Variants in SCN3A observed in about 807,000 individuals in gnomAD.
The protein encoded by SCN3A is sodium voltage-gated channel alpha subunit 3.
In SCN3A, 60 loss-of-function variants were observed where a neutral mutation model predicts 187.6. The observed-to-expected ratio is 0.32, with a 90% CI of 0.26 to 0.40. SCN3A has a LOEUF of 0.40. Ranked by LOEUF, SCN3A falls within the 10% of genes least tolerant of loss-of-function variation. The pLI is 1.00. For synonymous variants in SCN3A, 788 were observed against 829.2 expected (o/e 0.95, Z 0.85); for missense variants, 1,601 against 2,428.2 (o/e 0.66, Z 7.16).
chr2:165,192,666 G>A (rs572402394), intron 1 of SCN3A, among the ~76,000 whole-genome samples: 20 of 152,094 alleles, frequency 1.3e-4, no homozygotes, highest in East Asian at 1.9e-4. Context: ...GACATCTGGC[G>A]TTCAAAAATG....
At chr2:165,148,848 A>C (rs1489287762) in intron 11 of SCN3A, among the ~76,000 whole-genome samples, 4 of 152,152 alleles carry the variant, frequency 2.6e-5, no homozygotes, top group Admixed American at 1.3e-4. Context: ...GTAAAATGAG[A>C]AATATTAAGT....
chr2:165,153,987 A>ATTTTTTTTTTTTTTTTT lies in SCN3A; in HGVS notation c.1380+448_1380+464dup, dbSNP rs71393659. On this transcript the variant is annotated intron_variant, in intron 11 of 27. Coordinates refer to ENST00000283254, the MANE Select transcript of SCN3A (RefSeq NM_006922.4). Reference sequence around the variant, plus strand: ...TATCCTGATGTGGGCTATAGCAAACATTTTTTTTTTTTTTTTTTTTTGCTA... The same window carrying ATTTTTTTTTTTTTTTTT: ...TATCCTGATGTGGGCTATAGCAAACATTTTTTTTTTTTTTTTTTTTTTTTTTTTTTTTTTTTTTGCTA... Among the ~76,000 whole-genome samples, 23 of 92,764 alleles carry ATTTTTTTTTTTTTTTTT rather than the reference A, an allele frequency of 2.5e-4. 2 individuals carry two copies. The highest frequency in any genetic ancestry group is 9.4e-4 in the African/African-American group (20 of 21,276). 60.9% of individuals were successfully genotyped at this position (92,764 alleles called of 152,430 possible). A position where few individuals can be genotyped will look rare whatever the true frequency, so the allele number is the denominator to read the frequency against.
Position 165,140,164 on chromosome 2 carries a change from A to T in SCN3A, c.2019+487T>A, listed in dbSNP as rs1687918036. 6.6e-6 allele frequency among the ~76,000 whole-genome samples: 1 copy of T among 152,226 alleles called. No homozygotes were observed. Among genetic ancestry groups the T allele is most frequent in the Non-Finnish European group, 1.5e-5 (1 of 68,042 alleles). On this transcript the variant is annotated intron_variant, in intron 13 of 27. Coordinates refer to ENST00000283254, the MANE Select transcript of SCN3A (RefSeq NM_006922.4). This position sits in a 1 kb window ranked among gnomAD's most constrained non-coding sequence, Gnocchi z 4.2. The stretch of plus-strand genomic sequence containing the variant: ...TCTATATCTTATCCTATTAAAAAAC[A>T]ACACATTTTAGAGTCATTTTAAAAT...
chr2:165,140,366 T>C lies in SCN3A; in HGVS notation c.2019+285A>G, dbSNP rs1687930758. Reference sequence around the variant, plus strand: ...TGTCCATTATTTGTCTCGGTAGGTCTACCAAATTTGCAGATATGTATTTCA... The same window carrying C: ...TGTCCATTATTTGTCTCGGTAGGTCCACCAAATTTGCAGATATGTATTTCA... On this transcript the variant is annotated intron_variant, in intron 13 of 27. Transcript: ENST00000283254. The surrounding 1 kb of genome is among the most constrained non-coding windows in gnomAD (Gnocchi z 4.2). 6.6e-6 allele frequency among the ~76,000 whole-genome samples: 1 copy of C among 152,128 alleles called. No homozygotes were observed. The highest frequency in any genetic ancestry group is 2.1e-4 in the South Asian group (1 of 4,808).
At chr2:165,151,960 T>C (rs558001057) in intron 11 of SCN3A, among the ~76,000 whole-genome samples, 11 of 152,170 alleles carry the variant, frequency 7.2e-5, no homozygotes, top group Non-Finnish European at 1.6e-4. Context: ...TAGTGAGGAA[T>C]AATTAGTCTT....
At chr2:165,110,951 A>C (rs962602541) in intron 21 of SCN3A, among the ~76,000 whole-genome samples, 1 of 152,214 alleles carries the variant, frequency 6.6e-6, no homozygotes, top group Non-Finnish European at 1.5e-5. Flanking sequence ...CATGTTTTCT[A>C]TATAAGGGGA....
intron 1 of SCN3A, among the ~76,000 whole-genome samples, chr2:165,201,369 C>T (rs1466230613): frequency 1.3e-5 from 2 of 151,966 alleles, no homozygotes; most frequent in Non-Finnish European, 2.9e-5. Flanking sequence ...TTTATTCTAT[C>T]CTTCCTGTTG....
chr2:165,112,870 A>G lies in SCN3A; in HGVS notation c.3843+15T>C. 6.2e-7 allele frequency: 1 copy of G among 1,607,884 alleles called. No individual in the cohort carries two copies. The highest frequency in any genetic ancestry group is 8.5e-7 in the Non-Finnish European group (1 of 1,176,404). On this transcript the variant is annotated intron_variant, in intron 21 of 27. Transcript: ENST00000283254. Reference sequence around the variant, plus strand: ...TTTTAAAAACAATTTTATAAAAATCACTTAAAATACTTACATCAACGATCA... The same window carrying G: ...TTTTAAAAACAATTTTATAAAAATCGCTTAAAATACTTACATCAACGATCA...
At chr2:165,155,340 C>CTTCCCTTCCA (rs1395503536) in intron 10 of SCN3A, among the ~76,000 whole-genome samples, 3 of 152,010 alleles carry the variant, frequency 2.0e-5, no homozygotes, top group Non-Finnish European at 4.4e-5. Context: ...TTTCCCTTCC[C>CTTCCCTTCCA]TTCCCTTCCA....
chr2:165,139,805 G>C, intron 13 of SCN3A, 197 bp from the exon 14 acceptor site: 1 of 604,186 alleles, frequency 1.7e-6, no homozygotes, highest in African/African-American at 1.9e-5. Context: ...CTCTTTAAGA[G>C]GAATTCACCA....
At position 165,140,379 on chromosome 2, in the gene SCN3A, G is replaced by A. The variant is rs945773607; in HGVS notation, c.2019+272C>T. 6.6e-6 allele frequency among the ~76,000 whole-genome samples: 1 copy of A among 151,838 alleles called. No homozygotes were observed. Among genetic ancestry groups the A allele is most frequent in the African/African-American group, 2.4e-5 (1 of 41,332 alleles). On this transcript the variant is annotated intron_variant, in intron 13 of 27. Transcript: ENST00000283254. The surrounding 1 kb of genome is among the most constrained non-coding windows in gnomAD (Gnocchi z 4.2). Reference sequence around the variant, plus strand: ...TCTCGGTAGGTCTACCAAATTTGCAGATATGTATTTCATAGCAGACTCTAA... The same window carrying A: ...TCTCGGTAGGTCTACCAAATTTGCAAATATGTATTTCATAGCAGACTCTAA...
intron 10 of SCN3A, 40 bp from the exon 11 acceptor site, chr2:165,154,698 T>C (rs1367181477): frequency 1.3e-6 from 2 of 1,542,158 alleles, no homozygotes; most frequent in African/African-American, 1.4e-5. Flanking sequence ...TATTTTAGTA[T>C]AATGTCCCCA....
In SCN3A at chr2:165,162,653, G is replaced by GTA; in HGVS notation, c.869_870insTA (p.Thr292ProfsTer18). On this transcript the variant is annotated frameshift_variant, in exon 8 of 28. Coordinates refer to ENST00000283254, the MANE Select transcript of SCN3A (RefSeq NM_006922.4). LOFTEE classifies it high-confidence loss of function. ...TTGTGCCATTAAAGTAGGAAGTGGT[G>GTA]TTGGTTTCAAAAGCAGAATCGCTTG... 1 of 1,614,184 alleles carries GTA rather than the reference G, an allele frequency of 6.2e-7. No homozygotes were observed. Among genetic ancestry groups the GTA allele is most frequent in the Non-Finnish European group, 8.5e-7 (1 of 1,180,030 alleles).
At chr2:165,141,339 G>T (rs1218864001) in intron 12 of SCN3A, among the ~76,000 whole-genome samples, 1 of 152,098 alleles carries the variant, frequency 6.6e-6, no homozygotes, top group African/African-American at 2.4e-5. Context: ...TGATGGGAAT[G>T]GTGGTTAAAC....
At chr2:165,115,815 A>G (rs1405694656) in intron 18 of SCN3A, among the ~76,000 whole-genome samples, 1 of 152,194 alleles carries the variant, frequency 6.6e-6, no homozygotes, top group Non-Finnish European at 1.5e-5. Context: ...GTGGTCTGGA[A>G]TGGATGGATT....
At chr2:165,117,632 C>G (rs1454454478) in intron 18 of SCN3A, among the ~76,000 whole-genome samples, 1 of 151,904 alleles carries the variant, frequency 6.6e-6, no homozygotes, top group Non-Finnish European at 1.5e-5. Flanking sequence ...GTTTGAATAC[C>G]TTTTAATGTC....
chr2:165,106,847 G>T (rs1192710136), intron 21 of SCN3A, among the ~76,000 whole-genome samples: 1 of 152,192 alleles, frequency 6.6e-6, no homozygotes, highest in African/African-American at 2.4e-5. Flanking sequence ...ATTTGCAGAG[G>T]TTGTGACTGG....
chr2:165,191,613 T>C (rs1691618505), intron 1 of SCN3A, among the ~76,000 whole-genome samples: 1 of 152,128 alleles, frequency 6.6e-6, no homozygotes. Flanking sequence ...CTCCTTCAAG[T>C]CTTGGCCAAA....
At chr2:165,125,051 C>T (rs1263217022) in intron 18 of SCN3A, among the ~76,000 whole-genome samples, 1 of 152,004 alleles carries the variant, frequency 6.6e-6, no homozygotes, top group African/African-American at 2.4e-5. Context: ...ACATATTTTC[C>T]ACTATATATT....
Sources: allele counts gnomAD v4.1 joint callset (sites outside exome capture counted in the v4.1 genomes callset), GRCh38; gene constraint gnomAD v4.1.1; non-coding constraint Gnocchi (gnomAD v3.1); transcripts MANE v1.5; gene names NCBI Gene and HGNC (gene_info 2026-07-23, HGNC 2026-07-21).